The following AXDND1 variants were observed in gnomAD, a reference collection of about 807,000 sequenced individuals.
AXDND1 encodes axonemal dynein light chain domain-containing protein 1.
Under a neutral mutation model 137.5 loss-of-function variants are expected in AXDND1, and 110 were observed. The ratio of observed to expected loss-of-function variants is 0.80; its 90% confidence interval spans 0.69 to 0.94. The LOEUF (loss-of-function observed/expected upper bound fraction) is 0.94, where lower values mean the gene tolerates loss of function less well. AXDND1 is among the 40% of genes least tolerant of loss of function. AXDND1 has a pLI of 0.00. For missense variants in AXDND1, 1,191 were observed against 1,169.8 expected, an observed-to-expected ratio of 1.02 and a Z score of -0.26; for synonymous variants, 414 against 399.7, an observed-to-expected ratio of 1.04 and a Z score of -0.43.
intron 25 of AXDND1, among the ~76,000 whole-genome samples, chr1:179,540,509 A>G (rs1228680385): frequency 6.6e-6 from 1 of 152,176 alleles, no homozygotes; most frequent in African/African-American, 2.4e-5. Flanking sequence ...TTGCCTGGGT[A>G]TCATCAGCGG....
chr1:179,488,635 C>CTTTCTTTCTTTCTT (rs1666404031), intron 18 of AXDND1, among the ~76,000 whole-genome samples: 1 of 26,160 alleles, frequency 3.8e-5, no homozygotes, highest in African/African-American at 1.4e-4. Context: ...TCTCTCTCTC[C>CTTTCTTTCTTTCTT]TTTCTTTCTT....
chr1:179,383,582 C>A, intron 8 of AXDND1, 38 bp downstream of exon 8: 1 of 1,506,942 alleles, frequency 6.6e-7, no homozygotes, highest in Non-Finnish European at 9.2e-7. Flanking sequence ...TGGCTAAGAG[C>A]ATGCACTCAG....
intron 25 of AXDND1, chr1:179,545,579 G>A (rs1202273629): frequency 6.6e-6 from 1 of 152,196 alleles, no homozygotes; most frequent in Non-Finnish European, 1.5e-5. Context: ...AACAGAGCCA[G>A]CCTTATCTTT....
intron 16 of AXDND1, among the ~76,000 whole-genome samples, 172 bp from the exon 17 acceptor site, chr1:179,468,271 T>G (rs1663479439): frequency 6.6e-6 from 1 of 152,232 alleles, no homozygotes; most frequent in Admixed American, 6.5e-5. Flanking sequence ...TGCTTATTCA[T>G]TAAACATTTA....
intron 25 of AXDND1, among the ~76,000 whole-genome samples, chr1:179,540,908 C>G (rs552993837): frequency 1.2e-4 from 18 of 152,332 alleles, no homozygotes; most frequent in African/African-American, 3.8e-4. Context: ...TCTAGAGAGG[C>G]AGTTGGCCTC....
intron 25 of AXDND1, among the ~76,000 whole-genome samples, chr1:179,553,092 AC>A (rs1410367042): frequency 6.6e-6 from 1 of 152,210 alleles, no homozygotes; most frequent in East Asian, 1.9e-4. Context: ...TGAAAAGGGT[AC>A]AACTGACCAA....
chr1:179,425,485 C>G (rs1009075412), intron 12 of AXDND1, among the ~76,000 whole-genome samples: 1 of 152,124 alleles, frequency 6.6e-6, no homozygotes, highest in Non-Finnish European at 1.5e-5. Context: ...TACCCTTTGT[C>G]TCTGCCTGTC....
intron 11 of AXDND1, among the ~76,000 whole-genome samples, chr1:179,404,960 G>C (rs1201181210): frequency 6.6e-6 from 1 of 151,770 alleles, no homozygotes; most frequent in Non-Finnish European, 1.5e-5. Context: ...GAATGTGCAG[G>C]TTTGTTACAT....
intron 12 of AXDND1, among the ~76,000 whole-genome samples, chr1:179,411,802 A>C (rs974380544): frequency 6.6e-6 from 1 of 152,026 alleles, no homozygotes; most frequent in Admixed American, 6.6e-5. Context: ...TTATCTCTTC[A>C]TACAAGGTGA....
intron 25 of AXDND1, chr1:179,552,352 GGA>G: frequency 1.8e-6 from 1 of 559,462 alleles, no homozygotes; most frequent in Non-Finnish European, 3.2e-6. Context: ...ATGCCTTTAA[GGA>G]GAGAGAGGGA....
At chr1:179,551,548 A>G in intron 25 of AXDND1, 1 of 1,406,594 alleles carries the variant, frequency 7.1e-7, no homozygotes, top group South Asian at 1.2e-5. Flanking sequence ...CTGAGCATCT[A>G]CTATGTGGCA....
At chr1:179,410,630 T>A (rs1161266308) in intron 11 of AXDND1, among the ~76,000 whole-genome samples, 6 of 152,242 alleles carry the variant, frequency 3.9e-5, no homozygotes, top group Non-Finnish European at 5.9e-5. Context: ...AGCTGCTTTA[T>A]TTAAGGTTTT....
intron 23 of AXDND1, among the ~76,000 whole-genome samples, chr1:179,532,543 A>AG (rs1362043596): frequency 6.6e-6 from 1 of 152,200 alleles, no homozygotes; most frequent in Non-Finnish European, 1.5e-5. Context: ...AAACAGAAAG[A>AG]GAAAAATATG....
At chr1:179,444,441 C>T (rs77081079) in intron 15 of AXDND1, among the ~76,000 whole-genome samples, 3,553 of 152,134 alleles carry the variant, frequency 0.023, 135 homozygotes, top group African/African-American at 0.08. Flanking sequence ...GGGTAATGTT[C>T]CTATTATCTG....
intron 17 of AXDND1, among the ~76,000 whole-genome samples, chr1:179,482,554 C>G (rs1665543999): frequency 6.6e-6 from 1 of 152,068 alleles, no homozygotes; most frequent in South Asian, 2.1e-4. Context: ...GAGTTGCTGC[C>G]TCACTGAGCT....
chr1:179,534,964 T>C lies in AXDND1; in HGVS notation c.3031+2T>C. On this transcript the variant is annotated splice_donor_variant, in intron 25 of 25. Transcript: ENST00000367618. LOFTEE classifies it high-confidence loss of function. ...ATTCCTCAAAATCTCCAAAGAAAGG[T>C]AAGGATTGCTTCGTATTTTGCTTTA... 1.2e-6 allele frequency: 2 copies of C among 1,605,684 alleles called. No homozygotes were observed. Among genetic ancestry groups the C allele is most frequent in the Non-Finnish European group, 1.7e-6 (2 of 1,177,900 alleles).
chr1:179,416,377 A>G (rs554144178), intron 12 of AXDND1, among the ~76,000 whole-genome samples: 2 of 152,176 alleles, frequency 1.3e-5, no homozygotes, highest in African/African-American at 4.8e-5. Context: ...GCTATTGTGA[A>G]TAGTGCTGGT....
chr1:179,501,147 A>G (rs1468623912), intron 20 of AXDND1, among the ~76,000 whole-genome samples: 2 of 152,260 alleles, frequency 1.3e-5, no homozygotes, highest in Admixed American at 6.5e-5. Flanking sequence ...CAAGTTTCCA[A>G]CAGTTTTTTT....
At chr1:179,468,392 T>C (rs372848657) in intron 16 of AXDND1, 51 bp from the exon 17 acceptor site, 3 of 1,276,064 alleles carry the variant, frequency 2.4e-6, no homozygotes, top group Middle Eastern at 2.7e-4. Context: ...GGTATTAAAA[T>C]AGTAGTCTTA....
Sources: allele counts gnomAD v4.1 joint callset (sites outside exome capture counted in the v4.1 genomes callset), GRCh38; gene constraint gnomAD v4.1.1; transcripts MANE v1.5; gene names NCBI Gene and HGNC (gene_info 2026-07-23, HGNC 2026-07-21).